DDHD1: variants seen among roughly 807,000 people sequenced by gnomAD.
DDHD1 encodes phospholipase DDHD1.
Under a neutral mutation model 96.4 loss-of-function variants are expected in DDHD1, and 49 were observed. That is an observed-to-expected ratio of 0.51 (90% CI 0.40 to 0.64). The LOEUF (loss-of-function observed/expected upper bound fraction) is 0.64. Ranked by LOEUF, DDHD1 falls within the 30% of genes least tolerant of loss-of-function variation. DDHD1 has a pLI of 0.00. For missense variants in DDHD1, 1,106 were observed against 1,161.2 expected, an observed-to-expected ratio of 0.95 and a Z score of 0.69; for synonymous variants, 442 against 446.5, an observed-to-expected ratio of 0.99 and a Z score of 0.13.
At chr14:53,061,326 T>C (rs2139862830) in intron 7 of DDHD1, 125 bp from the exon 8 acceptor site, 1 of 667,924 alleles carries the variant, frequency 1.5e-6, no homozygotes, top group Non-Finnish European at 2.3e-6. Context: ...TTAATCCTGG[T>C]TGACAGTATT....
intron 10 of DDHD1, 90 bp from the exon 11 acceptor site, chr14:53,054,719 G>A: frequency 7.7e-7 from 1 of 1,291,946 alleles, no homozygotes; most frequent in Non-Finnish European, 1.1e-6. Flanking sequence ...CCAACTGGCA[G>A]AGGGACCAAA....
intron 2 of DDHD1, among the ~76,000 whole-genome samples, chr14:53,099,687 A>C (rs147639392): frequency 3.3e-4 from 51 of 152,334 alleles, no homozygotes; most frequent in African/African-American, 1.2e-3. Flanking sequence ...AATGTTTACC[A>C]AATTACTTGT....
chr14:53,128,073 C>G (rs1020328272), intron 1 of DDHD1, among the ~76,000 whole-genome samples: 3 of 152,148 alleles, frequency 2.0e-5, no homozygotes, highest in Non-Finnish European at 4.4e-5. Flanking sequence ...TTCCCCTCTT[C>G]GCTCTATATT....
intron 2 of DDHD1, among the ~76,000 whole-genome samples, chr14:53,100,302 C>T (rs923322701): frequency 2.0e-5 from 3 of 151,732 alleles, no homozygotes; most frequent in African/African-American, 7.3e-5. Context: ...ATAGTGAGAC[C>T]CTGTCTCTAC....
rs549524202 is a variant in DDHD1, at chr14:53,113,003, A to G, written c.839-9147T>C. ...GAGACACAGTCTCACTCTGTCATCC[A>G]GGCTGGAGTGCAGTGGCGTGATCTC... is the stretch of plus-strand genomic sequence containing the variant. On this transcript the variant is annotated intron_variant, in intron 1 of 12. Coordinates refer to ENST00000673822, the MANE Select transcript of DDHD1 (RefSeq NM_001160148.2). Among the ~76,000 whole-genome samples the G allele has an allele frequency of 3.9e-5, 6 of 152,298 alleles. No homozygotes were observed. The South Asian group carries it at 1.0e-3, about 26-fold the overall frequency.
chr14:53,122,362 A>G (rs943712202), intron 1 of DDHD1, among the ~76,000 whole-genome samples: 1 of 152,124 alleles, frequency 6.6e-6, no homozygotes, highest in East Asian at 1.9e-4. Flanking sequence ...TCCCTGGGGA[A>G]GACTATCCCG....
chr14:53,085,298 T>C (rs1378578482), intron 4 of DDHD1, among the ~76,000 whole-genome samples: 1 of 152,196 alleles, frequency 6.6e-6, no homozygotes, highest in African/African-American at 2.4e-5. Context: ...GTTTCAACTC[T>C]GAGAATGGAC....
At chr14:53,053,776 A>G (rs1295722749) in intron 11 of DDHD1, 1 of 152,186 alleles carries the variant, frequency 6.6e-6, no homozygotes, top group Non-Finnish European at 1.5e-5. Flanking sequence ...ACCTAAAAAT[A>G]ATGTTCAAGT....
chr14:53,115,402 A>G (rs1888463566), intron 1 of DDHD1, among the ~76,000 whole-genome samples: 1 of 152,190 alleles, frequency 6.6e-6, no homozygotes, highest in Non-Finnish European at 1.5e-5. Context: ...GCTCAAGAAG[A>G]GCAACCCCAA....
intron 1 of DDHD1, among the ~76,000 whole-genome samples, chr14:53,119,294 A>T (rs1888800920): frequency 6.6e-6 from 1 of 152,208 alleles, no homozygotes; most frequent in Non-Finnish European, 1.5e-5. Flanking sequence ...TAATGACAGG[A>T]TCAAATTCAA....
intron 4 of DDHD1, among the ~76,000 whole-genome samples, chr14:53,090,016 C>G (rs1196622064): frequency 1.3e-5 from 2 of 152,140 alleles, no homozygotes; most frequent in African/African-American, 4.8e-5. Context: ...AGAACTTAAA[C>G]AAATTGACAA....
At chr14:53,099,147 T>C (rs1182237045) in intron 2 of DDHD1, among the ~76,000 whole-genome samples, 1 of 152,152 alleles carries the variant, frequency 6.6e-6, no homozygotes, top group Non-Finnish European at 1.5e-5. Context: ...TTAAACTTTG[T>C]ATTTTGGAAT....
At chr14:53,061,091 G>T in intron 8 of DDHD1, 35 bp downstream of exon 8, 1 of 1,569,620 alleles carries the variant, frequency 6.4e-7, no homozygotes, top group Admixed American at 1.9e-5. Flanking sequence ...AAAATACTGA[G>T]ATCAATGTTG....
chr14:53,091,711 T>C (rs1595159258), intron 4 of DDHD1, 74 bp downstream of exon 4: 1 of 1,467,816 alleles, frequency 6.8e-7, no homozygotes, highest in Non-Finnish European at 9.3e-7. Context: ...TAGTATACTG[T>C]TAATATCTCT....
intron 2 of DDHD1, among the ~76,000 whole-genome samples, chr14:53,102,844 T>A (rs1887409656): frequency 6.6e-6 from 1 of 151,932 alleles, no homozygotes; most frequent in Admixed American, 6.6e-5. Flanking sequence ...CAATATTGAG[T>A]TTTTCTGCTT....
At chr14:53,109,074 T>C (rs1186499789) in intron 1 of DDHD1, among the ~76,000 whole-genome samples, 1 of 152,200 alleles carries the variant, frequency 6.6e-6, no homozygotes, top group East Asian at 1.9e-4. Context: ...GCGCCTATAA[T>C]GGACGGTGTT....
chr14:53,114,581 G>A (rs1349290251), intron 1 of DDHD1, among the ~76,000 whole-genome samples: 3 of 152,196 alleles, frequency 2.0e-5, no homozygotes, highest in Admixed American at 2.0e-4. Context: ...TCCACTGCAG[G>A]TCAACAGGGT....
chr14:53,079,085 T>C (rs1168792529), intron 4 of DDHD1, among the ~76,000 whole-genome samples: 1 of 152,198 alleles, frequency 6.6e-6, no homozygotes, highest in Admixed American at 6.5e-5. Flanking sequence ...ACCATTTATA[T>C]ATGGTGCTGG....
chr14:53,076,735 G>A (rs967123197), intron 4 of DDHD1, among the ~76,000 whole-genome samples: 37 of 152,148 alleles, frequency 2.4e-4, no homozygotes, highest in African/African-American at 8.4e-4. Context: ...CCCAAACTTC[G>A]GCAACTACCA....
Sources: gnomAD v4.1 joint callset for allele counts (sites outside exome capture counted in the v4.1 genomes callset) on GRCh38, gnomAD v4.1.1 for gene constraint, MANE v1.5 for transcripts, NCBI Gene and HGNC (gene_info 2026-07-23, HGNC 2026-07-21) for gene names.